GLIPR1L1: variants seen among roughly 807,000 people sequenced by gnomAD.
The protein encoded by GLIPR1L1 is GLIPR1 like 1, also known as GLIPR1-like protein 1.
A neutral mutation model predicts 29.9 loss-of-function variants in GLIPR1L1; 26 were observed. That is an observed-to-expected ratio of 0.87 (90% CI 0.64 to 1.21). The LOEUF is 1.21. GLIPR1L1 is among the 50% of genes most tolerant of loss of function. GLIPR1L1 has a pLI of 0.00. For synonymous variants in GLIPR1L1, 77 were observed against 97.5 expected (o/e 0.79, Z 1.24); for missense variants, 305 against 290.3 (o/e 1.05, Z -0.37).
chr12:75,349,460 T>C (rs2042664206), intron 3 of GLIPR1L1, among the ~76,000 whole-genome samples: 1 of 152,112 alleles, frequency 6.6e-6, no homozygotes, highest in Non-Finnish European at 1.5e-5. Flanking sequence ...AATGAAATAT[T>C]ACCAGCCATA....
chr12:75,355,168 A>C (rs2043070567), intron 3 of GLIPR1L1, among the ~76,000 whole-genome samples: 1 of 152,252 alleles, frequency 6.6e-6, no homozygotes, highest in Non-Finnish European at 1.5e-5. Context: ...ACAGCAAAAG[A>C]AACTATCATC....
intron 1 of GLIPR1L1, among the ~76,000 whole-genome samples, chr12:75,340,708 G>C (rs1051031926): frequency 6.8e-6 from 1 of 146,916 alleles, no homozygotes; most frequent in African/African-American, 2.5e-5. Context: ...CCTATCTAGA[G>C]AAAGAAGTCT....
chr12:75,356,195 A>G lies in GLIPR1L1; in HGVS notation c.522-6907A>G, dbSNP rs895860911. Reference sequence around the variant, plus strand: ...GAAAAGAGATGCCAGCAGATTTTTCAGTGGACATAATGCAAAAGAAGCAAT... The same window carrying G: ...GAAAAGAGATGCCAGCAGATTTTTCGGTGGACATAATGCAAAAGAAGCAAT... On this transcript the variant is annotated intron_variant, in intron 3 of 5. Coordinates refer to ENST00000378695, the MANE Select transcript of GLIPR1L1 (RefSeq NM_001304964.2). 3.9e-5 allele frequency among the ~76,000 whole-genome samples: 6 copies of G among 152,206 alleles called. 1 individual carries two copies. The highest frequency in any genetic ancestry group is 8.8e-5 in the Non-Finnish European group (6 of 68,034).
intron 3 of GLIPR1L1, among the ~76,000 whole-genome samples, chr12:75,354,520 T>C (rs959292791): frequency 6.6e-6 from 1 of 152,210 alleles, no homozygotes; most frequent in Non-Finnish European, 1.5e-5. Flanking sequence ...TGTTCATGGA[T>C]AGTAAGAATC....
intron 3 of GLIPR1L1, among the ~76,000 whole-genome samples, chr12:75,350,754 A>C (rs567250676): frequency 6.6e-6 from 1 of 152,368 alleles, no homozygotes; most frequent in Non-Finnish European, 1.5e-5. Context: ...TCAACGCAAA[A>C]ATGCTGAAAA....
rs543625540 is a variant in GLIPR1L1, at chr12:75,362,677, G to A, written c.522-425G>A. Among the ~76,000 whole-genome samples, 3 of 152,216 alleles carry A rather than the reference G, an allele frequency of 2.0e-5. No individual in the cohort carries two copies. The East Asian group carries it at 5.8e-4, about 29-fold the overall frequency. On this transcript the variant is annotated intron_variant, in intron 3 of 5. Coordinates refer to ENST00000378695, the MANE Select transcript of GLIPR1L1 (RefSeq NM_001304964.2). ...CTATTAAAAATCAGGCATAATAGCT[G>A]TCAAGTCGTACATCATCAAATAGAA...
chr12:75,367,123 T>C (rs2044023064), intron 4 of GLIPR1L1: 7 of 672,076 alleles, frequency 1.0e-5, no homozygotes, highest in South Asian at 6.4e-5. Context: ...GAAGACACTT[T>C]AGAATACACC....
intron 2 of GLIPR1L1, among the ~76,000 whole-genome samples, chr12:75,346,992 C>T (rs2042495483): frequency 6.6e-6 from 1 of 151,096 alleles, no homozygotes; most frequent in South Asian, 2.1e-4. Flanking sequence ...AGTAATGTTC[C>T]TCACCTCTTT....
chr12:75,351,126 A>C (rs1328531688), intron 3 of GLIPR1L1, among the ~76,000 whole-genome samples: 1 of 152,188 alleles, frequency 6.6e-6, no homozygotes, highest in Admixed American at 6.5e-5. Context: ...TGCTGAAATA[A>C]GGCAGGCAGA....
At chr12:75,344,021 C>A (rs878911365) in intron 2 of GLIPR1L1, 83 bp downstream of exon 2, 11 of 1,182,038 alleles carry the variant, frequency 9.3e-6, no homozygotes, top group Middle Eastern at 3.0e-4. Context: ...ATGTAAAGTG[C>A]CTTTATTTTT....
chr12:75,342,112 G>A (rs899614641), intron 1 of GLIPR1L1, among the ~76,000 whole-genome samples: 2 of 152,178 alleles, frequency 1.3e-5, no homozygotes, highest in South Asian at 4.1e-4. Flanking sequence ...ATCGCCAGGG[G>A]TTAAAGATAG....
At chr12:75,349,978 T>C (rs1024340394) in intron 3 of GLIPR1L1, among the ~76,000 whole-genome samples, 4 of 152,240 alleles carry the variant, frequency 2.6e-5, no homozygotes, top group African/African-American at 4.8e-5. Flanking sequence ...GGAGACTGCC[T>C]AAGAAGACCG....
intron 4 of GLIPR1L1, among the ~76,000 whole-genome samples, chr12:75,367,704 T>A (rs898578707): frequency 2.0e-5 from 3 of 152,158 alleles, no homozygotes; most frequent in Non-Finnish European, 4.4e-5. Flanking sequence ...AGTTTATTGA[T>A]TTTCTTGGAT....
At chr12:75,334,999 G>A in intron 1 of GLIPR1L1, 97 bp downstream of exon 1, 4 of 1,213,462 alleles carry the variant, frequency 3.3e-6, no homozygotes, top group East Asian at 2.4e-5. Context: ...AATTCAATCC[G>A]GACTTTACAT....
At chr12:75,358,367 A>T (rs572355691) in intron 3 of GLIPR1L1, among the ~76,000 whole-genome samples, 32 of 152,010 alleles carry the variant, frequency 2.1e-4, no homozygotes, top group African/African-American at 7.7e-4. Context: ...TTTTAAAAGC[A>T]TAATACACTT....
In GLIPR1L1 at chr12:75,370,070, T is replaced by C. The variant is rs1471338396; in HGVS notation, c.638-15T>C. ...GAACTCTTAACTATTCTGGTTTTGTTTTTGTTTTTGACAGAAAATCCATTT... is the reference window on the plus strand; with the variant it reads ...GAACTCTTAACTATTCTGGTTTTGTCTTTGTTTTTGACAGAAAATCCATTT... On this transcript the variant is annotated splice_polypyrimidine_tract_variant and intron_variant, in intron 5 of 5. Transcript: ENST00000378695. 4 of 1,546,998 alleles carry C rather than the reference T, an allele frequency of 2.6e-6. No individual in the cohort carries two copies. Among genetic ancestry groups the C allele is most frequent in the Non-Finnish European group, 3.6e-6 (4 of 1,124,614 alleles).
chr12:75,364,306 C>T (rs1267521483), intron 4 of GLIPR1L1, among the ~76,000 whole-genome samples: 1 of 152,202 alleles, frequency 6.6e-6, no homozygotes, highest in Non-Finnish European at 1.5e-5. Flanking sequence ...GAGGTCCATT[C>T]AGATGGTTGG....
chr12:75,345,689 T>A (rs1167862083), intron 2 of GLIPR1L1, among the ~76,000 whole-genome samples: 2 of 152,108 alleles, frequency 1.3e-5, no homozygotes, highest in African/African-American at 4.8e-5. Context: ...TAAGGGAAAA[T>A]TGAGAGAATG....
At chr12:75,346,708 ATT>A (rs951187214) in intron 2 of GLIPR1L1, among the ~76,000 whole-genome samples, 5 of 151,928 alleles carry the variant, frequency 3.3e-5, no homozygotes, top group African/African-American at 1.2e-4. Context: ...GCTGGTAAAT[ATT>A]TTTTTTGCTG....
Sources: gnomAD v4.1 joint callset for allele counts (sites outside exome capture counted in the v4.1 genomes callset) on GRCh38, gnomAD v4.1.1 for gene constraint, MANE v1.5 for transcripts, NCBI Gene and HGNC (gene_info 2026-07-23, HGNC 2026-07-21) for gene names.